LHX8: variants seen among roughly 807,000 people sequenced by gnomAD.
LHX8 encodes LIM homeobox 8, also known as LIM/homeobox protein Lhx8.
In LHX8, 12 loss-of-function variants were observed where a neutral mutation model predicts 40.3. The observed-to-expected ratio is 0.30, with a 90% CI of 0.19 to 0.48. LHX8 has a LOEUF of 0.48. Ranked by LOEUF, LHX8 falls within the 20% of genes least tolerant of loss-of-function variation. The probability of loss-of-function intolerance (pLI) is 0.99; values close to 1 mark genes in which losing one functional copy is unlikely to be tolerated. For synonymous variants in LHX8, 179 were observed against 162.0 expected, an observed-to-expected ratio of 1.10 and a Z score of -0.80; for missense variants, 344 against 433.7, an observed-to-expected ratio of 0.79 and a Z score of 1.84.
intron 1 of LHX8, among the ~76,000 whole-genome samples, chr1:75,129,227 C>T (rs771692898): frequency 1.2e-4 from 19 of 152,210 alleles, no homozygotes; most frequent in African/African-American, 4.1e-4. Context: ...CAAACCTGTG[C>T]TCTTACTATA....
chr1:75,174,871 G>T, the LHX8 span, among the ~76,000 whole-genome samples: 3 of 151,544 alleles, frequency 2.0e-5, no homozygotes, highest in African/African-American at 7.3e-5. Flanking sequence ...ATGTTTGGTT[G>T]TATGAAAAAG....
At chr1:75,145,138 A>C (rs1032887470) in intron 6 of LHX8, among the ~76,000 whole-genome samples, 29 of 152,166 alleles carry the variant, frequency 1.9e-4, no homozygotes, top group African/African-American at 6.5e-4. Context: ...AATAAGCAAA[A>C]AATGAAAGAT....
At chr1:75,137,019 G>A in intron 2 of LHX8, 81 bp from the exon 3 acceptor site, 11 of 1,489,648 alleles carry the variant, frequency 7.4e-6, no homozygotes, top group Non-Finnish European at 9.0e-6. Flanking sequence ...GAGGGGAGGC[G>A]GTGGGGGCGC....
intron 8 of LHX8, 96 bp from the exon 9 acceptor site, chr1:75,160,723 G>A (rs1648894467): frequency 2.4e-6 from 2 of 833,430 alleles, no homozygotes; most frequent in Admixed American, 1.7e-5. Context: ...GCTATAATGA[G>A]TGATGAAAAC....
the LHX8 span, among the ~76,000 whole-genome samples, chr1:75,184,621 G>A: frequency 6.6e-6 from 1 of 152,076 alleles, no homozygotes; most frequent in Non-Finnish European, 1.5e-5. Flanking sequence ...TAAGGTAGTG[G>A]TAAGAGGGAT....
chr1:75,184,366 A>G, the LHX8 span, among the ~76,000 whole-genome samples: 1 of 152,194 alleles, frequency 6.6e-6, no homozygotes, highest in African/African-American at 2.4e-5. Context: ...CCAAATAATC[A>G]GATATAAAAG....
the LHX8 span, among the ~76,000 whole-genome samples, chr1:75,195,227 G>C: frequency 6.6e-6 from 1 of 152,124 alleles, no homozygotes; most frequent in Non-Finnish European, 1.5e-5. Context: ...AGAGGCAGGT[G>C]TTGTCCCAGT....
the LHX8 span, among the ~76,000 whole-genome samples, chr1:75,193,022 T>C: frequency 2.5e-4 from 38 of 152,340 alleles, no homozygotes; most frequent in African/African-American, 8.2e-4. Flanking sequence ...TTCATTTGAA[T>C]GTCTGTTGCA....
chr1:75,143,794 G>A, intron 5 of LHX8, 51 bp from the exon 6 acceptor site: 1 of 1,306,198 alleles, frequency 7.7e-7, no homozygotes, highest in East Asian at 2.3e-5. Flanking sequence ...ATTGTAAGAT[G>A]GGTGTACCCA....
chr1:75,145,686 TG>T (rs1648442052), intron 6 of LHX8, among the ~76,000 whole-genome samples: 1 of 152,110 alleles, frequency 6.6e-6, no homozygotes. Flanking sequence ...TCATTTTGCT[TG>T]ATCTTCCAGG....
upstream of LHX8, chr1:75,130,520 C>G: frequency 1.5e-6 from 1 of 657,764 alleles, no homozygotes; most frequent in Non-Finnish European, 2.8e-6. Context: ...AAACCTCAGT[C>G]TTGGCCCACA....
At chr1:75,179,502 GT>G in the LHX8 span, among the ~76,000 whole-genome samples, 18,968 of 108,368 alleles carry the variant, frequency 0.18, 1,308 homozygotes, top group African/African-American at 0.23. Context: ...AACCCCTGTT[GT>G]TTTTTTTTTT....
intron 7 of LHX8, among the ~76,000 whole-genome samples, 176 bp downstream of exon 7, chr1:75,148,858 A>C (rs1467998442): frequency 6.6e-6 from 1 of 152,120 alleles, no homozygotes; most frequent in Non-Finnish European, 1.5e-5. Context: ...GATTAACTTA[A>C]AGGTCAATCA....
chr1:75,137,147 C>T lies in LHX8; in HGVS notation c.123C>T (p.Ala41=), dbSNP rs371111953. The T allele has an allele frequency of 2.5e-6, 4 of 1,611,900 alleles. No individual in the cohort carries two copies. The African/African-American group carries it at 4.0e-5, about 16-fold the overall frequency. The part of the protein sequence containing the change: ...AGDEDSCSSS[A]PLSPSSSPRS... ...ACGAGGACTCGTGCTCCTCCTCGGC[C>T]CCGCTGTCCCCGTCGTCCTCGCCCC... The change falls in exon 3 of 9, where the codon GCC becomes GCT. Residue 41 remains alanine (A), a synonymous_variant. Transcript: ENST00000356261.
downstream of LHX8, among the ~76,000 whole-genome samples, chr1:75,165,428 C>G (rs574430510): frequency 6.6e-6 from 1 of 152,256 alleles, no homozygotes; most frequent in Non-Finnish European, 1.5e-5. Flanking sequence ...CTGCCATAGG[C>G]TTAGAGGATG....
At chr1:75,149,429 T>C (rs1006120375) in intron 7 of LHX8, among the ~76,000 whole-genome samples, 3 of 152,128 alleles carry the variant, frequency 2.0e-5, no homozygotes, top group Non-Finnish European at 4.4e-5. Context: ...AGAGACTAGA[T>C]AGAGGTAAGC....
At chr1:75,139,942 A>T (rs189740130) in intron 3 of LHX8, among the ~76,000 whole-genome samples, 2 of 152,252 alleles carry the variant, frequency 1.3e-5, no homozygotes, top group Admixed American at 1.3e-4. Context: ...TAGTCATTGG[A>T]TCCATTTTTA....
the LHX8 span, among the ~76,000 whole-genome samples, chr1:75,185,941 C>G: frequency 6.6e-6 from 1 of 152,104 alleles, no homozygotes; most frequent in African/African-American, 2.4e-5. Flanking sequence ...CAATCCTATT[C>G]ACAATTGCCA....
At chr1:75,137,323 A>G (rs1648177505) in intron 3 of LHX8, 62 bp downstream of exon 3, 1 of 1,519,006 alleles carries the variant, frequency 6.6e-7, no homozygotes, top group Non-Finnish European at 9.1e-7. Flanking sequence ...AGCTCTGGGA[A>G]AAGAGTAATG....
Sources: allele counts gnomAD v4.1 joint callset (sites outside exome capture counted in the v4.1 genomes callset), GRCh38; gene constraint gnomAD v4.1.1; transcripts MANE v1.5; gene names NCBI Gene and HGNC (gene_info 2026-07-23, HGNC 2026-07-21).